GRIK2: variants seen among roughly 807,000 people sequenced by gnomAD.
GRIK2 encodes glutamate receptor ionotropic, kainate 2.
Under a neutral mutation model 100.3 loss-of-function variants are expected in GRIK2, and 32 were observed. That is an observed-to-expected ratio of 0.32 (90% CI 0.24 to 0.43). The LOEUF (loss-of-function observed/expected upper bound fraction) is 0.43. GRIK2 is among the 20% of genes least tolerant of loss of function. The probability of loss-of-function intolerance (pLI) is 1.00; values close to 1 mark genes in which losing one functional copy is unlikely to be tolerated. For missense variants in GRIK2, 843 were observed against 1,114.9 expected (o/e 0.76, Z 3.47); for synonymous variants, 417 against 389.4 (o/e 1.07, Z -0.83).
chr6:101,870,274 C>T (rs773089099), intron 11 of GRIK2, among the ~76,000 whole-genome samples: 1 of 151,810 alleles, frequency 6.6e-6, no homozygotes, highest in African/African-American at 2.4e-5. Context: ...TGTGGGAGGG[C>T]AGTAACTATA....
intron 7 of GRIK2, among the ~76,000 whole-genome samples, chr6:101,780,937 C>T (rs777324944): frequency 2.9e-4 from 44 of 152,074 alleles, no homozygotes; most frequent in Non-Finnish European, 5.1e-4. Flanking sequence ...ATAAGAATGT[C>T]CTTTGACACT....
At chr6:101,773,090 C>T (rs1778506482) in intron 7 of GRIK2, among the ~76,000 whole-genome samples, 2 of 152,076 alleles carry the variant, frequency 1.3e-5, no homozygotes, top group African/African-American at 4.8e-5. Context: ...TTCAAGAGAA[C>T]TAAGAATGAG....
At chr6:101,906,738 C>T (rs1339414111) in intron 12 of GRIK2, among the ~76,000 whole-genome samples, 1 of 151,620 alleles carries the variant, frequency 6.6e-6, no homozygotes, top group Non-Finnish European at 1.5e-5. Context: ...AACAATACAC[C>T]GGAGTACAAC....
At chr6:101,705,136 A>G (rs1182220429) in intron 7 of GRIK2, among the ~76,000 whole-genome samples, 1 of 150,660 alleles carries the variant, frequency 6.6e-6, no homozygotes. Context: ...AGTTTAGATT[A>G]CTTTTCTTTT....
At chr6:101,500,720 A>C (rs541973514) in intron 2 of GRIK2, among the ~76,000 whole-genome samples, 1 of 152,068 alleles carries the variant, frequency 6.6e-6, no homozygotes, top group Non-Finnish European at 1.5e-5. Context: ...TTTGGAAATT[A>C]TTATCCTTCA....
At chr6:101,884,627 T>TA (rs1032535727) in intron 11 of GRIK2, among the ~76,000 whole-genome samples, 1 of 152,148 alleles carries the variant, frequency 6.6e-6, no homozygotes, top group Non-Finnish European at 1.5e-5. Context: ...ATTAGTTATG[T>TA]AACTCTGTAA....
At chr6:101,930,447 A>G (rs1196194474) in intron 14 of GRIK2, among the ~76,000 whole-genome samples, 2 of 152,150 alleles carry the variant, frequency 1.3e-5, no homozygotes, top group African/African-American at 2.4e-5. Context: ...GATGCATTTA[A>G]TTTATTCCAA....
intron 7 of GRIK2, among the ~76,000 whole-genome samples, chr6:101,766,097 A>C (rs1294965702): frequency 6.6e-6 from 1 of 152,070 alleles, no homozygotes; most frequent in East Asian, 1.9e-4. Flanking sequence ...AGCATTCTCT[A>C]ATTTGAAGAG....
intron 7 of GRIK2, among the ~76,000 whole-genome samples, chr6:101,757,364 A>G (rs761851063): frequency 1.3e-5 from 2 of 152,180 alleles, no homozygotes; most frequent in African/African-American, 2.4e-5. Flanking sequence ...ATAGTAAGGA[A>G]GAAAAATCAT....
chr6:101,633,928 C>T (rs1780886621), intron 4 of GRIK2, among the ~76,000 whole-genome samples: 1 of 152,100 alleles, frequency 6.6e-6, no homozygotes, highest in African/African-American at 2.4e-5. Context: ...AGGCAGTCAA[C>T]TTTAGAATCT....
chr6:101,827,055 T>C (rs1413359497), intron 10 of GRIK2, among the ~76,000 whole-genome samples: 2 of 150,392 alleles, frequency 1.3e-5, no homozygotes, highest in Non-Finnish European at 3.0e-5. Context: ...TCCCAGTAGA[T>C]TTTCTATAGT....
In GRIK2 at chr6:101,606,296, G is replaced by A. The variant is rs192238200; in HGVS notation, c.116-15653G>A. 1.2e-3 allele frequency among the ~76,000 whole-genome samples: 177 copies of A among 152,040 alleles called. 1 individual carries two copies. The highest frequency in any genetic ancestry group is 1.7e-3 in the Non-Finnish European group (117 of 67,948). On this transcript the variant is annotated intron_variant, in intron 2 of 16. Transcript: ENST00000369134. ...AATAGGATTTAATTTTAAACGTGTC[G>A]TTTGTTATGAAAATTAATCACCTAA...
At chr6:102,022,162 AC>A (rs1769461878) in intron 14 of GRIK2, among the ~76,000 whole-genome samples, 23 of 151,070 alleles carry the variant, frequency 1.5e-4, no homozygotes, top group Admixed American at 1.5e-3. Flanking sequence ...ACACACACAC[AC>A]ACAACATATA....
chr6:101,761,138 A>C (rs1490725400), intron 7 of GRIK2, among the ~76,000 whole-genome samples: 1 of 152,116 alleles, frequency 6.6e-6, no homozygotes, highest in Non-Finnish European at 1.5e-5. Context: ...GGAGAAGAGG[A>C]CTGCTGGATC....
chr6:101,532,615 G>A (rs183433183), intron 2 of GRIK2, among the ~76,000 whole-genome samples: 460 of 150,432 alleles, frequency 3.1e-3, no homozygotes, highest in Non-Finnish European at 4.2e-3. Context: ...GACAGATTTC[G>A]AAGTTTAATG....
At chr6:101,617,327 CT>C (rs1306280480) in intron 2 of GRIK2, among the ~76,000 whole-genome samples, 1 of 151,756 alleles carries the variant, frequency 6.6e-6, no homozygotes, top group Non-Finnish European at 1.5e-5. Flanking sequence ...ATTTTTTGAA[CT>C]TTTTGAACAA....
chr6:101,975,809 G>GTCTGTCTGTCTATCTATCTATCTATCTA (rs141650149), intron 14 of GRIK2, among the ~76,000 whole-genome samples: 7 of 147,408 alleles, frequency 4.7e-5, no homozygotes, highest in Non-Finnish European at 7.4e-5. Flanking sequence ...CTATCTATCT[G>GTCTGTCTGTCTATCTATCTATCTATCTA]TCTATCTATC....
intron 2 of GRIK2, among the ~76,000 whole-genome samples, chr6:101,496,582 C>T (rs1466072781): frequency 6.6e-6 from 1 of 152,124 alleles, no homozygotes; most frequent in Non-Finnish European, 1.5e-5. Flanking sequence ...AAAAATGCTT[C>T]ATTTTCAGTG....
At chr6:101,850,233 G>A (rs551964735) in intron 10 of GRIK2, among the ~76,000 whole-genome samples, 4 of 152,096 alleles carry the variant, frequency 2.6e-5, no homozygotes, top group African/African-American at 9.6e-5. Flanking sequence ...ACTAGATTGG[G>A]AGTTTCATAA....
Sources: allele counts gnomAD v4.1 joint callset (sites outside exome capture counted in the v4.1 genomes callset), GRCh38; gene constraint gnomAD v4.1.1; transcripts MANE v1.5; gene names NCBI Gene and HGNC (gene_info 2026-07-23, HGNC 2026-07-21).